The following IL15RA variants were observed in gnomAD, a reference collection of about 807,000 sequenced individuals.
IL15RA encodes the protein interleukin-15 receptor subunit alpha.
IL15RA carries 26 observed loss-of-function variants against 24.2 expected under a neutral mutation model. The ratio of observed to expected loss-of-function variants is 1.07; its 90% CI spans 0.79 to 1.49. The LOEUF (loss-of-function observed/expected upper bound fraction) is 1.49, where lower values mean the gene tolerates loss of function less well. IL15RA is among the 40% of genes most tolerant of loss of function. The pLI, the probability that IL15RA is intolerant of heterozygous loss-of-function variation, is 0.00. For missense variants in IL15RA, 354 were observed against 356.4 expected, an observed-to-expected ratio of 0.99 and a Z score of 0.05; for synonymous variants, 166 against 157.6, an observed-to-expected ratio of 1.05 and a Z score of -0.40.
At position 5,960,702 on chromosome 10, in the gene IL15RA, T is replaced by C; in HGVS notation, c.383-135A>G. The C allele has an allele frequency of 2.8e-6, 2 of 716,920 alleles. No homozygotes were observed. The highest frequency in any genetic ancestry group is 4.9e-6 in the Non-Finnish European group (2 of 407,254). 44.4% of individuals were successfully genotyped at this position (716,920 alleles called of 1,614,324 possible). A position where few individuals can be genotyped will look rare whatever the true frequency, so the allele number is the denominator to read the frequency against. On this transcript the variant is annotated intron_variant, in intron 3 of 6. Coordinates refer to ENST00000379977, the MANE Select transcript of IL15RA (RefSeq NM_002189.4). The surrounding 1 kb of genome is among the most constrained non-coding windows in gnomAD (Gnocchi z 5.1). ...TCCCTCTCTCACAGCCAACTGCTCC[T>C]TGAGAGGGTGACATAGCCGTTCCTC...
At position 5,961,399 on chromosome 10, in the gene IL15RA, T is replaced by TA. The variant is rs1161554613; in HGVS notation, c.383-833_383-832insT. Reference sequence around the variant, plus strand: ...AGCCTGGGGGACAGAGTGAGACCCCTGTCTCTTAAAAAAAAAGGTGGGGGG... The same window carrying TA: ...AGCCTGGGGGACAGAGTGAGACCCCTAGTCTCTTAAAAAAAAAGGTGGGGGG... On this transcript the variant is annotated intron_variant, in intron 3 of 6. Coordinates refer to ENST00000379977, the MANE Select transcript of IL15RA (RefSeq NM_002189.4). The surrounding 1 kb of genome is among the most constrained non-coding windows in gnomAD (Gnocchi z 5.2). Among the ~76,000 whole-genome samples, 5 of 145,374 alleles carry TA rather than the reference T, an allele frequency of 3.4e-5. No individual in the cohort carries two copies. The highest frequency in any genetic ancestry group is 1.2e-4 in the African/African-American group (5 of 40,066).
chr10:5,950,107 CTT>C (rs1465608518), downstream of IL15RA, among the ~76,000 whole-genome samples: 6 of 138,188 alleles, frequency 4.3e-5, no homozygotes, highest in East Asian at 1.0e-3. The surrounding 1 kb of genome is among the most constrained non-coding windows in gnomAD (Gnocchi z 5.6). Context: ...AAAAAAAAGT[CTT>C]ATTTCTTGAT....
Position 5,958,198 on chromosome 10 carries a change from A to G in IL15RA, c.616+1556T>C. 2.7e-6 allele frequency: 1 copy of G among 376,814 alleles called. No homozygotes were observed. 23.3% of individuals were successfully genotyped at this position (376,814 alleles called of 1,614,324 possible). On this transcript the variant is annotated intron_variant, in intron 5 of 6. Transcript: ENST00000379977. The surrounding 1 kb of genome is among the most constrained non-coding windows in gnomAD (Gnocchi z 4.3). ...GATGGTTTTTGTGTCCTGATATGGG[A>G]GGATCTACAAGGTATACCAGCAAGT...
chr10:5,966,489 G>T lies in IL15RA; in HGVS notation c.89-150C>A. 3 of 617,180 alleles carry T rather than the reference G, an allele frequency of 4.9e-6. No homozygotes were observed. In the South Asian group the frequency reaches 6.4e-5, roughly 13 times the overall value. The allele number at this position is 617,180 out of a possible 1,614,324, so 38.2% of individuals were successfully genotyped here. On this transcript the variant is annotated intron_variant, in intron 1 of 6. Coordinates refer to ENST00000379977, the MANE Select transcript of IL15RA (RefSeq NM_002189.4). This position sits in a 1 kb window ranked among gnomAD's most constrained non-coding sequence, Gnocchi z 6.4. ...TGCCAGGCACGTGGAGGATGTACAG[G>T]AAGAGCATCCTCACCCAGAAGCCTT...
upstream of IL15RA, chr10:5,977,775 A>T (rs1371362065): frequency 3.4e-5 from 21 of 622,664 alleles, no homozygotes; most frequent in Non-Finnish European, 4.4e-5. Context: ...CCAGGACCTT[A>T]CCCACGCAAG....
chr10:5,949,903 C>G (rs932029377), downstream of IL15RA, among the ~76,000 whole-genome samples: 27 of 152,024 alleles, frequency 1.8e-4, no homozygotes, highest in Admixed American at 6.5e-4. This position sits in a 1 kb window ranked among gnomAD's most constrained non-coding sequence, Gnocchi z 4.4. Context: ...CGAGACCAGC[C>G]TGGCCAACAT....
Position 5,964,005 on chromosome 10 carries a change from A to G in IL15RA, c.284-164T>C, listed in dbSNP as rs1836054567. 1.3e-5 allele frequency among the ~76,000 whole-genome samples: 2 copies of G among 152,240 alleles called. No homozygotes were observed. The highest frequency in any genetic ancestry group is 4.1e-4 in the South Asian group (2 of 4,832). On this transcript the variant is annotated intron_variant, in intron 2 of 6. Coordinates refer to ENST00000379977, the MANE Select transcript of IL15RA (RefSeq NM_002189.4). The surrounding 1 kb of genome is among the most constrained non-coding windows in gnomAD (Gnocchi z 5.6). Reference sequence around the variant, plus strand: ...ATAAGAAACAATGTTTCCCCACCCGAATGCAAAGATAGACTGCAAACTATT... The same window carrying G: ...ATAAGAAACAATGTTTCCCCACCCGGATGCAAAGATAGACTGCAAACTATT...
At position 5,959,130 on chromosome 10, in the gene IL15RA, G is replaced by A. The variant is rs1835049026; in HGVS notation, c.616+624C>T. The stretch of plus-strand genomic sequence containing the variant: ...TTCTGTAAAGAGGAGCAGATTTTTG[G>A]TTTTATTTTGTTTTGTTAACTTTTT... On this transcript the variant is annotated intron_variant, in intron 5 of 6. Coordinates refer to ENST00000379977, the MANE Select transcript of IL15RA (RefSeq NM_002189.4). This position sits in a 1 kb window ranked among gnomAD's most constrained non-coding sequence, Gnocchi z 4.1. Among the ~76,000 whole-genome samples the A allele has an allele frequency of 6.8e-6, 1 of 147,518 alleles. No homozygotes were observed. Among genetic ancestry groups the A allele is most frequent in the Non-Finnish European group, 1.5e-5 (1 of 66,390 alleles).
rs986109583 is a variant in IL15RA at position 5,962,996 on chromosome 10, G to A, written c.382+747C>T. On this transcript the variant is annotated intron_variant, in intron 3 of 6. Transcript: ENST00000379977. This position sits in a 1 kb window ranked among gnomAD's most constrained non-coding sequence, Gnocchi z 5.2. ...CAGGACACTGGCAGCTTCAGGCAGC[G>A]CCTCTATAATAGAGCAGTCACTGGG... Among the ~76,000 whole-genome samples the A allele has an allele frequency of 5.9e-5, 9 of 152,210 alleles. No individual in the cohort carries two copies. Among genetic ancestry groups the A allele is most frequent in the Non-Finnish European group, 1.0e-4 (7 of 68,034 alleles).
rs531681227 is a variant in IL15RA at position 5,962,226 on chromosome 10, C to T, written c.382+1517G>A. On this transcript the variant is annotated intron_variant, in intron 3 of 6. Transcript: ENST00000379977. The surrounding 1 kb of genome is among the most constrained non-coding windows in gnomAD (Gnocchi z 5.2). ...AACCCCTTCCTCCCTGTGCAGGTGA[C>T]TCACTAGGAGGGAACCTTGTTTAGC... Among the ~76,000 whole-genome samples, 1 of 152,346 alleles carries T rather than the reference C, an allele frequency of 6.6e-6. No homozygotes were observed. Among genetic ancestry groups the T allele is most frequent in the South Asian group, 2.1e-4 (1 of 4,830 alleles).
chr10:5,977,487 G>A lies in IL15RA; in HGVS notation c.6C>T (p.Ala2=), dbSNP rs535507050. Residue 2 remains alanine, a synonymous_variant, in exon 1 of 7, where the codon GCC becomes GCT. Transcript: ENST00000379977. M[A]PRRARGCRTL... is the part of the protein sequence containing the mutation. ...TCCGGCAGCCGCGCGCCCGCCGCGG[G>A]GCCATGGCGGCAGCTCCACAGGACA... 77 of 1,355,026 alleles carry A rather than the reference G, an allele frequency of 5.7e-5. 1 individual carries two copies. The South Asian group carries it at 1.2e-3, about 22-fold the overall frequency. The allele number at this position is 1,355,026 out of a possible 1,614,324, so 83.9% of individuals were successfully genotyped here. A position where few individuals can be genotyped will look rare whatever the true frequency, so the allele number is the denominator to read the frequency against.
In IL15RA at chr10:5,970,629, GTTAC is replaced by G. The variant is rs199641666; in HGVS notation, c.89-4294_89-4291del. Among the ~76,000 whole-genome samples the G allele has an allele frequency of 0.027, 4,096 of 152,162 alleles. 168 individuals carry two copies. Among genetic ancestry groups the G allele is most frequent in the African/African-American group, 0.093 (3,846 of 41,492 alleles). ...AATCCAACCAGGCAAATGGTGGCCA[GTTAC>G]TTACTTTATAAAGTTGGACTGTCTC... is the stretch of plus-strand genomic sequence containing the variant. On this transcript the variant is annotated intron_variant, in intron 1 of 6. Transcript: ENST00000379977. This position sits in a 1 kb window ranked among gnomAD's most constrained non-coding sequence, Gnocchi z 4.1.
Position 5,968,553 on chromosome 10 carries a change from G to A in IL15RA, c.89-2214C>T. ...GTGAGAGATGGAGTCGATCTCACAA[G>A]TTGTTGAGGTGGATTTGGATGCTGC... On this transcript the variant is annotated intron_variant, in intron 1 of 6. Coordinates refer to ENST00000379977, the MANE Select transcript of IL15RA (RefSeq NM_002189.4). This position sits in a 1 kb window ranked among gnomAD's most constrained non-coding sequence, Gnocchi z 5.4. 3.6e-6 allele frequency: 2 copies of A among 558,758 alleles called. No homozygotes were observed. The highest frequency in any genetic ancestry group is 6.4e-6 in the Non-Finnish European group (2 of 311,868). 34.6% of individuals were successfully genotyped at this position (558,758 alleles called of 1,614,324 possible). A position where few individuals can be genotyped will look rare whatever the true frequency, so the allele number is the denominator to read the frequency against.
chr10:5,977,242 C>G (rs894506614), intron 1 of IL15RA, 163 bp downstream of exon 1: 4 of 371,444 alleles, frequency 1.1e-5, no homozygotes, highest in Non-Finnish European at 9.5e-6. Context: ...CCCTCCTGCC[C>G]GGCGCCGCGT....
Position 5,968,109 on chromosome 10 carries a change from A to G in IL15RA, c.89-1770T>C, listed in dbSNP as rs982236042. On this transcript the variant is annotated intron_variant, in intron 1 of 6. Transcript: ENST00000379977. This position sits in a 1 kb window ranked among gnomAD's most constrained non-coding sequence, Gnocchi z 5.4. ...CCAACAAACCAACCAAACAAAAAAC[A>G]TTAGCAACAAATGCCAAAGTGTTAA... Among the ~76,000 whole-genome samples the G allele has an allele frequency of 4.6e-5, 7 of 152,176 alleles. No individual in the cohort carries two copies. The highest frequency in any genetic ancestry group is 1.0e-4 in the Non-Finnish European group (7 of 68,032).
chr10:5,959,899 G>A lies in IL15RA; in HGVS notation c.584-113C>T, dbSNP rs1397079975. 1.1e-5 allele frequency: 10 copies of A among 948,454 alleles called. No homozygotes were observed. Among genetic ancestry groups the A allele is most frequent in the South Asian group, 5.7e-5 (4 of 70,670 alleles). 58.8% of individuals were successfully genotyped at this position (948,454 alleles called of 1,614,324 possible). A position where few individuals can be genotyped will look rare whatever the true frequency, so the allele number is the denominator to read the frequency against. ...CCCATCTTAGCACCCTGGGAGACTC[G>A]TGGCTGGCGTAACCAGACTCATTTT... On this transcript the variant is annotated intron_variant, in intron 4 of 6. Coordinates refer to ENST00000379977, the MANE Select transcript of IL15RA (RefSeq NM_002189.4). This position sits in a 1 kb window ranked among gnomAD's most constrained non-coding sequence, Gnocchi z 4.1.
chr10:5,969,996 T>G (rs904271725), intron 1 of IL15RA, among the ~76,000 whole-genome samples: 1 of 152,232 alleles, frequency 6.6e-6, no homozygotes, highest in Non-Finnish European at 1.5e-5. Context: ...GCATATTGAT[T>G]TTTTGGTGTC....
rs1307321349 is a variant in IL15RA, at chr10:5,971,657, G to A, written c.89-5318C>T. ...GGTTCCTGCCCTCAGGATGCTCACT[G>A]TGGAGCTGGTGTACGGAAAAGGCAA... On this transcript the variant is annotated intron_variant, in intron 1 of 6. Coordinates refer to ENST00000379977, the MANE Select transcript of IL15RA (RefSeq NM_002189.4). This position sits in a 1 kb window ranked among gnomAD's most constrained non-coding sequence, Gnocchi z 5.5. Among the ~76,000 whole-genome samples, 5 of 152,212 alleles carry A rather than the reference G, an allele frequency of 3.3e-5. No individual in the cohort carries two copies. The highest frequency in any genetic ancestry group is 3.3e-4 in the Admixed American group (5 of 15,282).
chr10:5,969,760 A>G (rs1010421133), intron 1 of IL15RA, among the ~76,000 whole-genome samples: 1 of 152,230 alleles, frequency 6.6e-6, no homozygotes, highest in African/African-American at 2.4e-5. Flanking sequence ...TTTGGGGAAG[A>G]ATTGATATCT....
Sources: gnomAD v4.1 joint callset for allele counts (sites outside exome capture counted in the v4.1 genomes callset) on GRCh38, gnomAD v4.1.1 for gene constraint, Gnocchi (gnomAD v3.1) non-coding constraint, MANE v1.5 for transcripts, NCBI Gene and HGNC (gene_info 2026-07-23, HGNC 2026-07-21) for gene names.